PRICKLE2: variants seen among roughly 807,000 people sequenced by gnomAD.
PRICKLE2 encodes prickle-like protein 2.
Under a neutral mutation model 81.4 loss-of-function variants are expected in PRICKLE2, and 21 were observed. The ratio of observed to expected loss-of-function variants is 0.26; its 90% CI spans 0.18 to 0.37. The LOEUF is 0.37. Among genes scored for constraint, PRICKLE2 ranks in the 10% least tolerant of loss-of-function variants. PRICKLE2 has a pLI of 1.00. For missense variants in PRICKLE2, 940 were observed against 1,109.0 expected (o/e 0.85, Z 2.16); for synonymous variants, 456 against 421.5 (o/e 1.08, Z -1.00).
intron 2 of PRICKLE2, among the ~76,000 whole-genome samples, chr3:64,178,366 C>G (rs2078060770): frequency 1.3e-5 from 2 of 152,290 alleles, no homozygotes; most frequent in South Asian, 4.1e-4. Flanking sequence ...ATGGGGGCTC[C>G]ATATGGAGAT....
Position 64,099,996 on chromosome 3 carries a change from G to T in PRICKLE2, c.1661-71C>A. 6.6e-7 allele frequency: 1 copy of T among 1,505,800 alleles called. No individual in the cohort carries two copies. Among genetic ancestry groups the T allele is most frequent in the South Asian group, 1.1e-5 (1 of 88,358 alleles). The allele number at this position is 1,505,800 out of a possible 1,614,324, so 93.3% of individuals were successfully genotyped here. ...GCAATGGGTATCACTGTCACTGCTG[G>T]TCATCTATCTAGGGTCATTATATAC... On this transcript the variant is annotated intron_variant, in intron 7 of 7. Transcript: ENST00000638394. This position sits in a 1 kb window ranked among gnomAD's most constrained non-coding sequence, Gnocchi z 4.3.
Position 64,206,058 on chromosome 3 carries a change from A to G in PRICKLE2, c.-40-7091T>C, listed in dbSNP as rs558967789. ...ATAGAGGCTATTAACGGCTTTTAAGAAATAAATAATTCCTAATCATGAAAC... is the reference window on the plus strand; with the variant it reads ...ATAGAGGCTATTAACGGCTTTTAAGGAATAAATAATTCCTAATCATGAAAC... On this transcript the variant is annotated intron_variant, in intron 1 of 7. Transcript: ENST00000638394. Among the ~76,000 whole-genome samples the G allele has an allele frequency of 8.9e-4, 135 of 152,368 alleles. 3 individuals are homozygous for G. The South Asian group carries it at 0.027, about 31-fold the overall frequency.
chr3:64,163,357 G>T (rs1232995777), intron 2 of PRICKLE2: 7 of 579,578 alleles, frequency 1.2e-5, no homozygotes, highest in Non-Finnish European at 2.2e-5. Flanking sequence ...CTCTCTGTGA[G>T]GGAAAAATAA....
intron 7 of PRICKLE2, among the ~76,000 whole-genome samples, chr3:64,118,404 C>CA (rs573658097): frequency 1.7e-3 from 252 of 152,176 alleles, no homozygotes; most frequent in African/African-American, 5.6e-3. Flanking sequence ...ATGGAGTAAA[C>CA]AGACAACCTA....
chr3:64,215,621 T>C (rs2078859652), intron 1 of PRICKLE2, among the ~76,000 whole-genome samples: 1 of 152,210 alleles, frequency 6.6e-6, no homozygotes, highest in Non-Finnish European at 1.5e-5. Flanking sequence ...TTACAATAAC[T>C]GAAAATGTAT....
At chr3:64,151,296 G>C (rs1278008039) in intron 6 of PRICKLE2, among the ~76,000 whole-genome samples, 2 of 152,202 alleles carry the variant, frequency 1.3e-5, no homozygotes, top group Admixed American at 6.5e-5. Context: ...TTTAACTACA[G>C]CAGCAATAAT....
Position 64,099,691 on chromosome 3 carries a change from T to C in PRICKLE2, c.1895A>G (p.Asp632Gly), listed in dbSNP as rs760596267. ...HQLSNPIGYRDLQSHGRMHQS... is the reference protein window; with the variant it reads ...HQLSNPIGYRGLQSHGRMHQS... The stretch of plus-strand genomic sequence containing the variant: ...ATGCATCCTTCCGTGGGACTGCAGG[T>C]CTCTGTAGCCAATGGGGTTGCTGAG... Residue 632 changes from aspartate (D) to glycine (G), a missense_variant, in exon 8 of 8, where the codon GAC (aspartate) becomes GGC (glycine). Physicochemically the swap from Asp to Gly is moderately conservative, Grantham distance 94 (BLOSUM62 -1). Around this residue, in one of 2 missense-constraint regions of PRICKLE2, gnomAD observed 670 missense variants for 717.2 expected, o/e 0.93. Transcript: ENST00000638394. The surrounding 1 kb of genome is among the most constrained non-coding windows in gnomAD (Gnocchi z 4.3). The C allele has an allele frequency of 1.2e-6, 2 of 1,614,182 alleles. No homozygotes were observed. Among genetic ancestry groups the C allele is most frequent in the South Asian group, 2.2e-5 (2 of 91,082 alleles).
At chr3:64,153,673 A>G in intron 5 of PRICKLE2, 1 of 374,464 alleles carries the variant, frequency 2.7e-6, no homozygotes, top group South Asian at 2.7e-5. Flanking sequence ...GACAGCTCAC[A>G]GGCACATTGG....
chr3:64,135,714 AC>A (rs2077267696), intron 7 of PRICKLE2, among the ~76,000 whole-genome samples: 1 of 130,940 alleles, frequency 7.6e-6, no homozygotes, highest in African/African-American at 2.6e-5. Flanking sequence ...ACACACACAC[AC>A]ACACACACGC....
In PRICKLE2 at chr3:64,126,933, G is replaced by A. The variant is rs541099382; in HGVS notation, c.1660+19897C>T. ...CTGTTTTGTCCTCTGTAAAATGGAG[G>A]CTCATTCATTCGCAAATAGTTCGTG... is the stretch of plus-strand genomic sequence containing the variant. On this transcript the variant is annotated intron_variant, in intron 7 of 7. Coordinates refer to ENST00000638394, the MANE Select transcript of PRICKLE2 (RefSeq NM_198859.4). Among the ~76,000 whole-genome samples, 5 of 152,204 alleles carry A rather than the reference G, an allele frequency of 3.3e-5. No individual in the cohort carries two copies. The South Asian group carries it at 8.3e-4, about 25-fold the overall frequency.
At chr3:64,137,180 T>C (rs1312448586) in intron 7 of PRICKLE2, among the ~76,000 whole-genome samples, 1 of 152,212 alleles carries the variant, frequency 6.6e-6, no homozygotes, top group African/African-American at 2.4e-5. Context: ...TTACTCTCCA[T>C]ATTTTAAAAA....
At chr3:64,241,836 G>T (rs551214285) in intron 2 of PRICKLE2, among the ~76,000 whole-genome samples, 1 of 152,322 alleles carries the variant, frequency 6.6e-6, no homozygotes, top group East Asian at 1.9e-4. Context: ...CATGCCTTCA[G>T]CGTTGGCCAA....
intron 2 of PRICKLE2, among the ~76,000 whole-genome samples, chr3:64,242,000 G>A (rs191701018): frequency 3.3e-5 from 5 of 152,280 alleles, no homozygotes; most frequent in Admixed American, 2.6e-4. Context: ...TCGTGGAGGA[G>A]AAATCCCTCC....
chr3:64,164,491 T>C (rs926984994), intron 2 of PRICKLE2, among the ~76,000 whole-genome samples: 2 of 152,222 alleles, frequency 1.3e-5, no homozygotes, highest in Non-Finnish European at 2.9e-5. Context: ...CTGTCTACTT[T>C]GATCTCCAGA....
At chr3:64,132,920 C>T (rs961334198) in intron 7 of PRICKLE2, among the ~76,000 whole-genome samples, 2 of 152,202 alleles carry the variant, frequency 1.3e-5, no homozygotes, top group African/African-American at 2.4e-5. Flanking sequence ...ATATTTACAA[C>T]TCCATGTTTC....
intron 1 of PRICKLE2, chr3:64,199,634 A>G (rs925009249): frequency 2.0e-5 from 3 of 152,550 alleles, no homozygotes; most frequent in African/African-American, 4.8e-5. Context: ...TTTATATACA[A>G]GAAGATCATG....
At chr3:64,257,887 G>A (rs150992700) in intron 2 of PRICKLE2, among the ~76,000 whole-genome samples, 2 of 152,226 alleles carry the variant, frequency 1.3e-5, no homozygotes, top group East Asian at 1.9e-4. Context: ...TGAGGATAGA[G>A]CCCTCATGAA....
chr3:64,202,557 A>G (rs1168409417), intron 1 of PRICKLE2, among the ~76,000 whole-genome samples: 3 of 152,148 alleles, frequency 2.0e-5, no homozygotes, highest in Non-Finnish European at 4.4e-5. Flanking sequence ...GTTATTGTAT[A>G]GAAACATAAA....
chr3:64,199,351 T>TA (rs1432016099), intron 1 of PRICKLE2: 1 of 264,710 alleles, frequency 3.8e-6, no homozygotes, highest in Non-Finnish European at 7.2e-6. Flanking sequence ...ACATAATACA[T>TA]ATGTTGACCT....
Sources: gnomAD v4.1 joint callset for allele counts (sites outside exome capture counted in the v4.1 genomes callset) on GRCh38, gnomAD v4.1.1 for gene constraint, gnomAD v4.1.1 regional missense constraint, Gnocchi (gnomAD v3.1) non-coding constraint, MANE v1.5 for transcripts, NCBI Gene and HGNC (gene_info 2026-07-23, HGNC 2026-07-21) for gene names.